SULT2B1: variants seen among roughly 807,000 people sequenced by gnomAD.
The protein encoded by SULT2B1 is sulfotransferase 2B1.
A neutral mutation model predicts 33.2 loss-of-function variants in SULT2B1; 16 were observed. That is an observed-to-expected ratio of 0.48 (90% CI 0.33 to 0.73). SULT2B1 has a LOEUF of 0.73. Ranked by LOEUF, SULT2B1 falls within the 30% of genes least tolerant of loss-of-function variation. The probability of loss-of-function intolerance (pLI) is 0.02; values close to 1 mark genes in which losing one functional copy is unlikely to be tolerated. For synonymous variants in SULT2B1, 186 were observed against 200.5 expected, an observed-to-expected ratio of 0.93 and a Z score of 0.61; for missense variants, 500 against 506.0, an observed-to-expected ratio of 0.99 and a Z score of 0.11.
Position 48,596,720 on chromosome 19 carries a change from C to T in SULT2B1, c.646-19C>T. The T allele has an allele frequency of 1.3e-6, 2 of 1,588,480 alleles. No homozygotes were observed. Among genetic ancestry groups the T allele is most frequent in the Non-Finnish European group, 1.7e-6 (2 of 1,173,038 alleles). ...GGCCGAGTGCCCTCCCTCCGCTGAC[C>T]CCTCTCCCCTGCCTGCAGGACTTAC... On this transcript the variant is annotated intron_variant, in intron 5 of 6. Coordinates refer to ENST00000201586, the MANE Select transcript of SULT2B1 (RefSeq NM_177973.2).
intron 1 of SULT2B1, among the ~76,000 whole-genome samples, chr19:48,558,978 G>T (rs1220645098): frequency 6.6e-6 from 1 of 152,108 alleles, no homozygotes; most frequent in African/African-American, 2.4e-5. Flanking sequence ...GAGCCACCGC[G>T]ACTGGCCTGA....
chr19:48,598,280 A>G (rs1371839635), intron 6 of SULT2B1, among the ~76,000 whole-genome samples: 1 of 152,080 alleles, frequency 6.6e-6, no homozygotes, highest in African/African-American at 2.4e-5. Flanking sequence ...TGCCCCTGTG[A>G]TAGCCCCACA....
At position 48,569,357 on chromosome 19, in the gene SULT2B1, A is replaced by T. The variant is rs12981320; in HGVS notation, c.72-6584A>T. 2.9e-4 allele frequency among the ~76,000 whole-genome samples: 3 copies of T among 10,472 alleles called. No individual in the cohort carries two copies. The African/African-American group carries it at 2.9e-3, about 10-fold the overall frequency. 6.9% of individuals were successfully genotyped at this position (10,472 alleles called of 152,430 possible). On this transcript the variant is annotated intron_variant, in intron 1 of 6. Coordinates refer to ENST00000201586, the MANE Select transcript of SULT2B1 (RefSeq NM_177973.2). ...ACTCCGTCTCAAAAAAAAAAAAAAA[A>T]AAAAACATATATATATATATATATA...
At position 48,587,275 on chromosome 19, in the gene SULT2B1, G is replaced by A. The variant is rs200535873; in HGVS notation, c.261G>A (p.Gly87=). 13 of 1,613,682 alleles carry A rather than the reference G, an allele frequency of 8.1e-6. No individual in the cohort carries two copies. Among genetic ancestry groups the A allele is most frequent in the African/African-American group, 4.0e-5 (3 of 74,834 alleles). Residue 87 remains glycine, a synonymous_variant, in exon 3 of 7, where the codon GGG becomes GGA. Coordinates refer to ENST00000201586, the MANE Select transcript of SULT2B1 (RefSeq NM_177973.2). ...TCATCTGCTTAATCCTGAAGGAAGG[G>A]GATCCATCCTGGATCCGCTCCGTGC... ...IEIICLILKE[G]DPSWIRSVPI... is the part of the protein sequence containing the mutation.
chr19:48,569,387 T>A (rs1487048398), intron 1 of SULT2B1, among the ~76,000 whole-genome samples: 2 of 59,768 alleles, frequency 3.3e-5, no homozygotes, highest in Admixed American at 1.5e-4. Flanking sequence ...TATATATATA[T>A]ATATATATAT....
intron 1 of SULT2B1, among the ~76,000 whole-genome samples, chr19:48,570,015 C>G (rs1033560504): frequency 4.6e-5 from 7 of 152,074 alleles, no homozygotes; most frequent in Admixed American, 4.6e-4. Context: ...AACACAGTCT[C>G]AGATTTCAAG....
intron 1 of SULT2B1, among the ~76,000 whole-genome samples, chr19:48,566,101 G>A (rs1050048860): frequency 4.9e-4 from 74 of 152,074 alleles, no homozygotes; most frequent in East Asian, 9.7e-4. Context: ...TAGTAGAGAC[G>A]GGGTTTCACT....
intron 2 of SULT2B1, among the ~76,000 whole-genome samples, chr19:48,586,344 G>A (rs1344874477): frequency 6.6e-6 from 1 of 152,198 alleles, no homozygotes; most frequent in Non-Finnish European, 1.5e-5. Flanking sequence ...AAGGGTGGAA[G>A]GAAGTTGGTG....
intron 1 of SULT2B1, among the ~76,000 whole-genome samples, chr19:48,574,146 G>A (rs751162698): frequency 1.3e-5 from 2 of 152,202 alleles, no homozygotes; most frequent in African/African-American, 2.4e-5. Context: ...ACAGGTGCAA[G>A]CCACTGCGCC....
intron 1 of SULT2B1, among the ~76,000 whole-genome samples, chr19:48,556,639 C>A (rs1364009353): frequency 5.3e-5 from 8 of 150,258 alleles, no homozygotes; most frequent in Admixed American, 1.3e-4. Context: ...TCAGAATACA[C>A]GCATATGTGA....
intron 1 of SULT2B1, among the ~76,000 whole-genome samples, chr19:48,559,527 T>C (rs1285205589): frequency 6.6e-6 from 1 of 152,142 alleles, no homozygotes; most frequent in African/African-American, 2.4e-5. Context: ...TGTGCCACCA[T>C]GCCTAGCTAA....
chr19:48,594,337 C>T (rs1416078181), intron 5 of SULT2B1, among the ~76,000 whole-genome samples: 2 of 152,144 alleles, frequency 1.3e-5, no homozygotes, highest in African/African-American at 4.8e-5. Context: ...ATTTTATCGA[C>T]GAGGAAACTG....
At chr19:48,585,456 T>C (rs1425785791) in intron 2 of SULT2B1, among the ~76,000 whole-genome samples, 2 of 150,792 alleles carry the variant, frequency 1.3e-5, no homozygotes, top group African/African-American at 4.9e-5. Flanking sequence ...TCACTGGAGG[T>C]CAAGAGTTCG....
Position 48,552,398 on chromosome 19 carries a change from GC to G in SULT2B1, c.71+76del. 6.5e-7 allele frequency: 1 copy of G among 1,528,410 alleles called. No homozygotes were observed. 94.7% of individuals were successfully genotyped at this position (1,528,410 alleles called of 1,614,324 possible). ...CTGTTTGGGGGAGCCGGGGACTGTGGCAAGGGTGGCCTCCAGCCACCCGCAG... is the reference window on the plus strand; with the variant it reads ...CTGTTTGGGGGAGCCGGGGACTGTGGAAGGGTGGCCTCCAGCCACCCGCAG... On this transcript the variant is annotated intron_variant, in intron 1 of 6. Transcript: ENST00000201586. The surrounding 1 kb of genome is among the most constrained non-coding windows in gnomAD (Gnocchi z 4.8).
Position 48,599,391 on chromosome 19 carries a change from C to T in SULT2B1, c.1083C>T (p.His361=). The part of the protein sequence containing the change: ...PSPGQASETP[H]PRPS The stretch of plus-strand genomic sequence containing the variant: ...CCGGCCAGGCCTCTGAGACCCCGCA[C>T]CCACGACCCTCATAATAAACACGTC... The change falls in exon 7 of 7, where the codon CAC becomes CAT. Residue 361 remains histidine, a synonymous_variant. Transcript: ENST00000201586. The surrounding 1 kb of genome is among the most constrained non-coding windows in gnomAD (Gnocchi z 4.1). The T allele has an allele frequency of 6.4e-7, 1 of 1,554,974 alleles. No homozygotes were observed. The highest frequency in any genetic ancestry group is 8.7e-7 in the Non-Finnish European group (1 of 1,149,404).
intron 1 of SULT2B1, among the ~76,000 whole-genome samples, chr19:48,553,457 G>A (rs751901200): frequency 3.9e-5 from 6 of 152,106 alleles, no homozygotes; most frequent in East Asian, 1.9e-4. Flanking sequence ...ACAGGAGCCC[G>A]CCACCATGCC....
In SULT2B1 at chr19:48,576,038, G is replaced by A. The variant is rs766992586; in HGVS notation, c.169G>A (p.Asp57Asn). The A allele has an allele frequency of 6.2e-7, 1 of 1,613,810 alleles. No homozygotes were observed. Among genetic ancestry groups the A allele is most frequent in the African/African-American group, 1.3e-5 (1 of 75,020 alleles). Residue 57 changes from aspartate to asparagine, a missense_variant, in exon 2 of 7, where the codon GAT (aspartate) becomes AAT (asparagine). Coordinates refer to ENST00000201586, the MANE Select transcript of SULT2B1 (RefSeq NM_177973.2). Reference sequence around the variant, plus strand: ...CATCAGCTTGGCGGAGAACACCCAAGATGTGCGGGACGACGACATCTTTAT... The same window carrying A: ...CATCAGCTTGGCGGAGAACACCCAAAATGTGCGGGACGACGACATCTTTAT... ...ESISLAENTQ[D>N]VRDDDIFIIT...
intron 1 of SULT2B1, among the ~76,000 whole-genome samples, chr19:48,566,837 G>T (rs1973249287): frequency 6.9e-6 from 1 of 145,808 alleles, no homozygotes; most frequent in South Asian, 2.2e-4. Context: ...GTGAGACTCT[G>T]TCAAAAAAAA....
In SULT2B1 at chr19:48,573,155, C is replaced by CAAA. The variant is rs10589655; in HGVS notation, c.72-2769_72-2767dup. 5.2e-3 allele frequency among the ~76,000 whole-genome samples: 631 copies of CAAA among 122,256 alleles called. 2 individuals are homozygous for CAAA. Among genetic ancestry groups the CAAA allele is most frequent in the African/African-American group, 0.019 (604 of 32,022 alleles). The allele number at this position is 122,256 out of a possible 152,430, so 80.2% of individuals were successfully genotyped here. A position where few individuals can be genotyped will look rare whatever the true frequency, so the allele number is the denominator to read the frequency against. On this transcript the variant is annotated intron_variant, in intron 1 of 6. Coordinates refer to ENST00000201586, the MANE Select transcript of SULT2B1 (RefSeq NM_177973.2). ...CTGGTGACAGAGCAGGACTCCATCT[C>CAAA]AAAAAAAAAAAAAAAAAAATTTACA...
Sources: gnomAD v4.1 joint callset for allele counts (sites outside exome capture counted in the v4.1 genomes callset) on GRCh38, gnomAD v4.1.1 for gene constraint, Gnocchi (gnomAD v3.1) non-coding constraint, MANE v1.5 for transcripts, NCBI Gene and HGNC (gene_info 2026-07-23, HGNC 2026-07-21) for gene names.